The following MAST4 variants were observed in gnomAD, a reference collection of about 807,000 sequenced individuals.
MAST4 encodes microtubule associated serine/threonine kinase family member 4, also known as microtubule-associated serine/threonine-protein kinase 4.
In MAST4, 89 loss-of-function variants were observed where a neutral mutation model predicts 162.7. The observed-to-expected ratio is 0.55, with a 90% CI of 0.46 to 0.65. The LOEUF is 0.65. Among genes scored for constraint, MAST4 ranks in the 30% least tolerant of loss-of-function variants. The pLI is 0.00. For synonymous variants in MAST4, 1,479 were observed against 1,361.1 expected, an observed-to-expected ratio of 1.09 and a Z score of -1.91; for missense variants, 3,153 against 3,374.0, an observed-to-expected ratio of 0.93 and a Z score of 1.62.
chr5:66,687,467 CATGTATAT>C (rs1215197393), intron 1 of MAST4, among the ~76,000 whole-genome samples: 1 of 150,840 alleles, frequency 6.6e-6, no homozygotes. Flanking sequence ...CCATAGTATA[CATGTATAT>C]ATGTATACAT....
At chr5:66,665,528 C>A (rs1747196444) in intron 1 of MAST4, among the ~76,000 whole-genome samples, 1 of 152,130 alleles carries the variant, frequency 6.6e-6, no homozygotes, top group African/African-American at 2.4e-5. Context: ...GTTTTAATAA[C>A]ATATTTAATA....
chr5:66,659,700 A>G (rs1406898454), intron 1 of MAST4, among the ~76,000 whole-genome samples: 1 of 152,256 alleles, frequency 6.6e-6, no homozygotes, highest in Non-Finnish European at 1.5e-5. Flanking sequence ...CATAGACTCT[A>G]GAGATGCAAA....
chr5:66,878,848 T>G (rs115160825), intron 3 of MAST4, among the ~76,000 whole-genome samples: 2 of 152,344 alleles, frequency 1.3e-5, no homozygotes, highest in African/African-American at 4.8e-5. Flanking sequence ...TTGTCTCCGT[T>G]GGCTTTAAGA....
intron 4 of MAST4, among the ~76,000 whole-genome samples, chr5:67,049,727 C>G (rs748547556): frequency 1.2e-3 from 179 of 152,332 alleles, no homozygotes; most frequent in Non-Finnish European, 2.3e-3. Context: ...TTCAAGTCAG[C>G]TGTCAATGTA....
At chr5:66,719,416 T>G (rs1031311875) in intron 1 of MAST4, among the ~76,000 whole-genome samples, 1 of 152,242 alleles carries the variant, frequency 6.6e-6, no homozygotes, top group African/African-American at 2.4e-5. Context: ...ATTTCCTATT[T>G]GTAAACTATC....
intron 1 of MAST4, among the ~76,000 whole-genome samples, chr5:66,675,252 C>T (rs73110433): frequency 0.025 from 3,744 of 152,216 alleles, 159 homozygotes; most frequent in African/African-American, 0.086. Flanking sequence ...AGCTGGAGTT[C>T]CCTCATCCCC....
At chr5:66,828,660 C>A in intron 3 of MAST4, 2 of 745,484 alleles carry the variant, frequency 2.7e-6, no homozygotes, top group Non-Finnish European at 4.3e-6. Flanking sequence ...GAACTGCAAG[C>A]ATCCGTGATC....
intron 1 of MAST4, among the ~76,000 whole-genome samples, chr5:66,700,862 A>G (rs979470101): frequency 2.0e-5 from 3 of 151,654 alleles, no homozygotes; most frequent in Non-Finnish European, 4.4e-5. Context: ...CTTGTGGATA[A>G]CATATTCAAG....
At chr5:66,723,982 G>A (rs540793488) in intron 1 of MAST4, among the ~76,000 whole-genome samples, 1 of 152,158 alleles carries the variant, frequency 6.6e-6, no homozygotes, top group East Asian at 1.9e-4. Context: ...CAAATACATG[G>A]CCAGGATATT....
At chr5:67,043,654 G>C (rs1365456845) in intron 4 of MAST4, among the ~76,000 whole-genome samples, 2 of 152,006 alleles carry the variant, frequency 1.3e-5, no homozygotes, top group Non-Finnish European at 2.9e-5. Context: ...TCTGCTACTT[G>C]GAAAAAGATA....
At position 66,635,946 on chromosome 5, in the gene MAST4, G is replaced by GTTTTTTTTT. The variant is rs530576186; in HGVS notation, c.363+38949_363+38957dup. 9.7e-5 allele frequency among the ~76,000 whole-genome samples: 4 copies of GTTTTTTTTT among 41,302 alleles called. 1 individual carries two copies. Among genetic ancestry groups the GTTTTTTTTT allele is most frequent in the African/African-American group, 1.6e-4 (2 of 12,284 alleles). 27.1% of individuals were successfully genotyped at this position (41,302 alleles called of 152,430 possible). A position where few individuals can be genotyped will look rare whatever the true frequency, so the allele number is the denominator to read the frequency against. The stretch of plus-strand genomic sequence containing the variant: ...AAAATCACTGCATAAGATAGAGACT[G>GTTTTTTTTT]TTTTTTTTTTTTTTTTTTTTTTTTT... On this transcript the variant is annotated intron_variant, in intron 1 of 28. Coordinates refer to ENST00000403625, the MANE Select transcript of MAST4 (RefSeq NM_001164664.2).
At chr5:67,107,742 C>T (rs1054717190) in intron 10 of MAST4, among the ~76,000 whole-genome samples, 1 of 152,186 alleles carries the variant, frequency 6.6e-6, no homozygotes. Context: ...CAGCTTAATG[C>T]CTTTTTGAAG....
chr5:66,923,623 A>G (rs1040774759), intron 4 of MAST4, among the ~76,000 whole-genome samples: 3 of 152,040 alleles, frequency 2.0e-5, no homozygotes, highest in African/African-American at 7.2e-5. Context: ...CCCAGGTTCC[A>G]TTGTCTTATA....
At chr5:66,700,992 T>C (rs536757950) in intron 1 of MAST4, among the ~76,000 whole-genome samples, 128 of 152,198 alleles carry the variant, frequency 8.4e-4, no homozygotes, top group African/African-American at 3.0e-3. Flanking sequence ...TAATCTTCTG[T>C]GTTGCATTAT....
rs60766673 is a variant in MAST4, at chr5:66,767,170, CGTGTGTGTGT to C, written c.517+7346_517+7355del. ...TGGTCACAGATGAATGTAAAGTGCA[CGTGTGTGTGT>C]GTGTGTGTGTGTGTGTGTGTGTGTG... On this transcript the variant is annotated intron_variant, in intron 2 of 28. Coordinates refer to ENST00000403625, the MANE Select transcript of MAST4 (RefSeq NM_001164664.2). Among the ~76,000 whole-genome samples the C allele has an allele frequency of 8.4e-3, 1,172 of 139,446 alleles. 10 individuals carry two copies. The highest frequency in any genetic ancestry group is 0.014 in the Middle Eastern group (4 of 278). The allele number at this position is 139,446 out of a possible 152,430, so 91.5% of individuals were successfully genotyped here. A position where few individuals can be genotyped will look rare whatever the true frequency, so the allele number is the denominator to read the frequency against.
At chr5:66,943,359 T>A (rs73103927) in intron 4 of MAST4, among the ~76,000 whole-genome samples, 2,835 of 152,244 alleles carry the variant, frequency 0.019, 89 homozygotes, top group African/African-American at 0.064. Flanking sequence ...ATGCATGTTC[T>A]CATTGTGTTT....
At chr5:67,013,649 C>T (rs901192907) in intron 4 of MAST4, among the ~76,000 whole-genome samples, 2 of 152,056 alleles carry the variant, frequency 1.3e-5, no homozygotes, top group Non-Finnish European at 2.9e-5. Flanking sequence ...ATCACTGGAT[C>T]CATAGCTTAC....
At chr5:67,037,960 A>G (rs1043088583) in intron 4 of MAST4, among the ~76,000 whole-genome samples, 1 of 152,142 alleles carries the variant, frequency 6.6e-6, no homozygotes, top group Non-Finnish European at 1.5e-5. Flanking sequence ...AAAAAATTTC[A>G]TAAGTGGAAT....
intron 4 of MAST4, among the ~76,000 whole-genome samples, chr5:66,951,707 G>A (rs1744728441): frequency 6.7e-6 from 1 of 149,858 alleles, no homozygotes; most frequent in South Asian, 2.1e-4. Flanking sequence ...ATAACTTTGT[G>A]CTTTTCTTTG....
Sources: gnomAD v4.1 joint callset for allele counts (sites outside exome capture counted in the v4.1 genomes callset) on GRCh38, gnomAD v4.1.1 for gene constraint, MANE v1.5 for transcripts, NCBI Gene and HGNC (gene_info 2026-07-23, HGNC 2026-07-21) for gene names.